FRMD4B: variants seen among roughly 807,000 people sequenced by gnomAD.
The protein encoded by FRMD4B is FERM domain-containing protein 4B.
Under a neutral mutation model 141.5 loss-of-function variants are expected in FRMD4B, and 74 were observed. The observed-to-expected ratio is 0.52, with a 90% CI of 0.43 to 0.63. The LOEUF is 0.63. Among genes scored for constraint, FRMD4B ranks in the 30% least tolerant of loss-of-function variants. The pLI, the probability that FRMD4B is intolerant of heterozygous loss-of-function variation, is 0.00. For missense variants in FRMD4B, 1,366 were observed against 1,253.4 expected (o/e 1.09, Z -1.36); for synonymous variants, 506 against 467.9 (o/e 1.08, Z -1.05).
At chr3:69,224,414 G>C (rs2093229763) in intron 8 of FRMD4B, among the ~76,000 whole-genome samples, 193 bp downstream of exon 8, 1 of 152,130 alleles carries the variant, frequency 6.6e-6, no homozygotes, top group African/African-American at 2.4e-5. Flanking sequence ...GACACATCTT[G>C]GTACAATGAT....
intron 1 of FRMD4B, among the ~76,000 whole-genome samples, chr3:69,482,790 G>T: frequency 6.6e-6 from 1 of 152,212 alleles, no homozygotes; most frequent in Non-Finnish European, 1.5e-5. Context: ...CCCCATAGGG[G>T]TGCCTAAATA....
intron 7 of FRMD4B, among the ~76,000 whole-genome samples, chr3:69,242,278 C>T (rs1039127953): frequency 1.3e-5 from 2 of 151,990 alleles, no homozygotes; most frequent in Non-Finnish European, 1.5e-5. Context: ...CTCAGCATAG[C>T]GCCTTGCCCA....
intron 21 of FRMD4B, 121 bp downstream of exon 21, chr3:69,180,778 G>T (rs970770735): frequency 1.5e-6 from 1 of 666,304 alleles, no homozygotes; most frequent in East Asian, 2.6e-5. Flanking sequence ...GGGTTCCACC[G>T]AATGGTTGCC....
At chr3:69,474,868 A>C (rs1049908708) in intron 1 of FRMD4B, among the ~76,000 whole-genome samples, 1 of 152,160 alleles carries the variant, frequency 6.6e-6, no homozygotes, top group African/African-American at 2.4e-5. Flanking sequence ...ATAAAATGCT[A>C]TCAAAGGGGA....
chr3:69,195,193 T>C (rs1359799352), intron 15 of FRMD4B, 38 bp downstream of exon 15: 2 of 1,613,418 alleles, frequency 1.2e-6, no homozygotes, highest in South Asian at 2.2e-5. Context: ...GCCAAAGTTG[T>C]CAAACACAAC....
chr3:69,190,011 TTAGA>T (rs2092819327), intron 17 of FRMD4B, 59 bp from the exon 18 acceptor site: 11 of 913,054 alleles, frequency 1.2e-5, no homozygotes, highest in Non-Finnish European at 1.8e-5. Context: ...TAGAGGGGTC[TTAGA>T]TAAACAATTT....
Position 69,181,037 on chromosome 3 carries a change from G to A in FRMD4B, c.2713C>T (p.Arg905Trp), listed in dbSNP as rs1236467540. ...VAEHLRGWYQ[R>W]ASGQKDQGHS... ...CCCTGATCCTTCTGCCCAGAGGCCC[G>A]CTGGTACCAGCCACGCAAGTGCTCG... The change falls in exon 21 of 23, where the codon CGG (arginine) becomes TGG (tryptophan). Residue 905 changes from arginine (R) to tryptophan (W), a missense_variant. By Grantham distance (101) the Arg-to-Trp change is moderately radical. Transcript: ENST00000398540. The A allele has an allele frequency of 7.4e-6, 12 of 1,613,800 alleles. No homozygotes were observed. Among genetic ancestry groups the A allele is most frequent in the South Asian group, 5.5e-5 (5 of 91,080 alleles).
chr3:69,487,645 G>C (rs1038215856), intron 1 of FRMD4B, among the ~76,000 whole-genome samples: 1 of 152,188 alleles, frequency 6.6e-6, no homozygotes, highest in African/African-American at 2.4e-5. Context: ...TCACTCTTCT[G>C]TTTGGGGCCT....
chr3:69,372,350 T>C (rs533996761), intron 1 of FRMD4B, among the ~76,000 whole-genome samples: 2 of 152,322 alleles, frequency 1.3e-5, no homozygotes, highest in South Asian at 4.1e-4. Flanking sequence ...GTAATAAATA[T>C]TGCTCAATAA....
chr3:69,366,718 T>A (rs1703669668), intron 1 of FRMD4B, among the ~76,000 whole-genome samples: 2 of 152,182 alleles, frequency 1.3e-5, no homozygotes, highest in South Asian at 4.1e-4. Flanking sequence ...CACGACCTTT[T>A]TTTTCAATAG....
intron 21 of FRMD4B, among the ~76,000 whole-genome samples, chr3:69,178,831 C>T (rs982028485): frequency 6.6e-6 from 1 of 151,362 alleles, no homozygotes; most frequent in Non-Finnish European, 1.5e-5. Flanking sequence ...ATAACAATAG[C>T]AATCACTATA....
At chr3:69,302,944 C>T (rs113205051) in intron 3 of FRMD4B, among the ~76,000 whole-genome samples, 4,220 of 152,040 alleles carry the variant, frequency 0.028, 200 homozygotes, top group African/African-American at 0.094. Flanking sequence ...CATGGTGGCA[C>T]GTGCCTGTAA....
At chr3:69,416,495 T>G (rs1292408696) in intron 2 of FRMD4B, among the ~76,000 whole-genome samples, 4 of 152,190 alleles carry the variant, frequency 2.6e-5, no homozygotes, top group Non-Finnish European at 5.9e-5. Context: ...CTGGCCAAAT[T>G]GTCTTCAGGC....
At chr3:69,325,822 G>A (rs1702172227) in intron 1 of FRMD4B, among the ~76,000 whole-genome samples, 1 of 152,146 alleles carries the variant, frequency 6.6e-6, no homozygotes, top group Admixed American at 6.5e-5. Context: ...TGTATTACCA[G>A]TTTATCCTTA....
intron 5 of FRMD4B, among the ~76,000 whole-genome samples, chr3:69,271,064 T>C (rs1317451202): frequency 6.6e-6 from 1 of 152,200 alleles, no homozygotes; most frequent in South Asian, 2.1e-4. Flanking sequence ...TTATATGACT[T>C]TTTTTGAGTC....
At chr3:69,188,905 A>G (rs920099937) in intron 18 of FRMD4B, among the ~76,000 whole-genome samples, 6 of 151,964 alleles carry the variant, frequency 3.9e-5, no homozygotes, top group Admixed American at 3.3e-4. Flanking sequence ...CTATTAGTTG[A>G]TAGTAAACCC....
intron 1 of FRMD4B, among the ~76,000 whole-genome samples, chr3:69,436,398 T>A (rs1168762137): frequency 6.6e-6 from 1 of 152,192 alleles, no homozygotes; most frequent in Admixed American, 6.5e-5. Flanking sequence ...AGATACCATT[T>A]CACACCTACT....
At chr3:69,287,645 T>C (rs78688753) in intron 5 of FRMD4B, 107 bp downstream of exon 5, 1 of 383,530 alleles carries the variant, frequency 2.6e-6, no homozygotes, top group South Asian at 3.2e-5. Context: ...GATTGTGGCC[T>C]TTTTTTTTTT....
In FRMD4B at chr3:69,249,396, A is replaced by C. The variant is rs144810502; in HGVS notation, c.559-148T>G. On this transcript the variant is annotated intron_variant, in intron 6 of 22. Coordinates refer to ENST00000398540, the MANE Select transcript of FRMD4B (RefSeq NM_015123.3). ...GAATGCTCTCCCTATAGGCATAAGA[A>C]GAATTAGGCATTGATAAGAAAACCC... 1.2e-5 allele frequency: 7 copies of C among 565,538 alleles called. No homozygotes were observed. In the African/African-American group the frequency reaches 1.4e-4, roughly 11 times the overall value. 35.0% of individuals were successfully genotyped at this position (565,538 alleles called of 1,614,324 possible). A position where few individuals can be genotyped will look rare whatever the true frequency, so the allele number is the denominator to read the frequency against.
Sources: allele counts gnomAD v4.1 joint callset (sites outside exome capture counted in the v4.1 genomes callset), GRCh38; gene constraint gnomAD v4.1.1; transcripts MANE v1.5; gene names NCBI Gene and HGNC (gene_info 2026-07-23, HGNC 2026-07-21).